The following IL16 variants were observed in gnomAD, a reference collection of about 807,000 sequenced individuals.
IL16 encodes the protein pro-interleukin-16.
In IL16, 67 loss-of-function variants were observed where a neutral mutation model predicts 110.1. The observed-to-expected ratio is 0.61, with a 90% CI of 0.50 to 0.75. The LOEUF is 0.75. Ranked by LOEUF, IL16 falls within the 30% of genes least tolerant of loss-of-function variation. The pLI is 0.00. For missense variants in IL16, 1,545 were observed against 1,655.0 expected, an observed-to-expected ratio of 0.93 and a Z score of 1.15; for synonymous variants, 689 against 662.9, an observed-to-expected ratio of 1.04 and a Z score of -0.61.
At chr15:81,248,514 T>C (rs1897646138) in intron 2 of IL16, among the ~76,000 whole-genome samples, 1 of 149,594 alleles carries the variant, frequency 6.7e-6, no homozygotes, top group African/African-American at 2.4e-5. Context: ...TATTAAAAAT[T>C]ATCTTTAAAA....
chr15:81,184,064 C>A (rs991011531), intron 1 of IL16, among the ~76,000 whole-genome samples: 1 of 152,158 alleles, frequency 6.6e-6, no homozygotes, highest in Admixed American at 6.5e-5. Context: ...CCCAAAGTAG[C>A]CCTGGCTCTT....
intron 1 of IL16, among the ~76,000 whole-genome samples, chr15:81,204,084 A>G (rs1271183241): frequency 6.6e-6 from 1 of 151,876 alleles, no homozygotes; most frequent in Non-Finnish European, 1.5e-5. Flanking sequence ...CTTTGAAGCA[A>G]TTGTGAATGG....
chr15:81,214,826 T>C (rs1896368371), intron 1 of IL16, among the ~76,000 whole-genome samples: 1 of 152,208 alleles, frequency 6.6e-6, no homozygotes. Context: ...TTTTTCTTAA[T>C]TCTTTTTTCT....
At chr15:81,274,952 A>G (rs910100799) in intron 6 of IL16, among the ~76,000 whole-genome samples, 3 of 151,986 alleles carry the variant, frequency 2.0e-5, no homozygotes, top group African/African-American at 7.2e-5. Context: ...GAAGTGGGCC[A>G]TTGTGAGCCC....
intron 6 of IL16, among the ~76,000 whole-genome samples, chr15:81,274,499 A>AAAAAGAAACCTT (rs1898807227): frequency 1.3e-5 from 2 of 152,192 alleles, no homozygotes; most frequent in Non-Finnish European, 2.9e-5. Flanking sequence ...GCCCAGCTAG[A>AAAAAGAAACCTT]AAAAGAAACC....
rs1210398997 is a variant in IL16, at chr15:81,308,802, G to C, written c.*4G>C. ...CACAGCTGCTGGAGACTCCTAGGCA[G>C]GACATGCTGAAGCCAAAGCCAATAA... is the stretch of plus-strand genomic sequence containing the variant. On this transcript the variant is annotated 3_prime_UTR_variant, in exon 19 of 19. Transcript: ENST00000683961. The C allele has an allele frequency of 1.7e-5, 27 of 1,606,668 alleles. No individual in the cohort carries two copies. The highest frequency in any genetic ancestry group is 6.6e-5 in the South Asian group (6 of 90,292).
At chr15:81,204,215 A>T (rs1247190689) in intron 1 of IL16, among the ~76,000 whole-genome samples, 1 of 152,020 alleles carries the variant, frequency 6.6e-6, no homozygotes, top group African/African-American at 2.4e-5. Flanking sequence ...GCTTAAGGAG[A>T]TTTTGGGCTG....
At chr15:81,284,021 AAAGAG>A (rs563628605) in intron 9 of IL16, among the ~76,000 whole-genome samples, 275 of 146,248 alleles carry the variant, frequency 1.9e-3, no homozygotes, top group African/African-American at 6.0e-3. Flanking sequence ...AAAAAAAAAA[AAAGAG>A]AGAGAGAAGA....
chr15:81,297,271 C>T (rs528504135), intron 13 of IL16, among the ~76,000 whole-genome samples, 193 bp downstream of exon 13: 5 of 152,192 alleles, frequency 3.3e-5, no homozygotes, highest in African/African-American at 4.8e-5. Flanking sequence ...GGTGGGGAGC[C>T]TCCTGGGTGG....
At chr15:81,280,134 G>C (rs573153780) in intron 8 of IL16, among the ~76,000 whole-genome samples, 1 of 152,340 alleles carries the variant, frequency 6.6e-6, no homozygotes, top group African/African-American at 2.4e-5. Context: ...CTGGGCCTCA[G>C]TTTCCCTACC....
chr15:81,182,977 A>G, intron 1 of IL16: 1 of 878,438 alleles, frequency 1.1e-6, no homozygotes, highest in Non-Finnish European at 1.6e-6. Context: ...ACATCCTCCC[A>G]GGGGAATGGA....
chr15:81,243,163 A>ATATATATATATAT (rs1555416963), intron 2 of IL16, among the ~76,000 whole-genome samples: 2 of 15,032 alleles, frequency 1.3e-4, no homozygotes, highest in Non-Finnish European at 1.2e-4. Context: ...ATATATATAT[A>ATATATATATATAT]TTTTTTTTTT....
chr15:81,200,709 G>A (rs1262232232), intron 1 of IL16, among the ~76,000 whole-genome samples: 1 of 152,102 alleles, frequency 6.6e-6, no homozygotes, highest in Non-Finnish European at 1.5e-5. Flanking sequence ...TAGTCCTGTA[G>A]AACACTGGGT....
intron 1 of IL16, among the ~76,000 whole-genome samples, chr15:81,212,130 C>CT (rs143918836): frequency 0.087 from 12,695 of 145,876 alleles, 530 homozygotes; most frequent in Middle Eastern, 0.11. Context: ...TTGTCTAGGG[C>CT]TTTTTTTTTT....
chr15:81,295,378 G>A, intron 12 of IL16: 1 of 1,253,550 alleles, frequency 8.0e-7, no homozygotes, highest in Non-Finnish European at 1.0e-6. Flanking sequence ...TATTGGATGT[G>A]TTGATGAAAA....
In IL16 at chr15:81,299,528, C is replaced by T; in HGVS notation, c.2202C>T (p.Gly734=). 3 of 1,614,142 alleles carry T rather than the reference C, an allele frequency of 1.9e-6. No homozygotes were observed. The highest frequency in any genetic ancestry group is 2.5e-6 in the Non-Finnish European group (3 of 1,180,006). The change falls in exon 14 of 19, where the codon GGC becomes GGT. Residue 734 remains glycine, a synonymous_variant. Coordinates refer to ENST00000683961, the MANE Select transcript of IL16 (RefSeq NM_172217.5). ...GCCCCATCATGAGTGAGAACCATGG[C>T]CACATGCCTCTACAGCCCAATGCCA... is the stretch of plus-strand genomic sequence containing the variant. ...LFSPIMSENH[G]HMPLQPNASL... is the part of the protein sequence containing the mutation.
At chr15:81,246,868 T>G (rs563840923) in intron 2 of IL16, among the ~76,000 whole-genome samples, 1 of 152,260 alleles carries the variant, frequency 6.6e-6, no homozygotes, top group African/African-American at 2.4e-5. Flanking sequence ...CTTTAATTTT[T>G]ACAGGCCCCT....
chr15:81,236,190 G>A (rs1362628578), intron 2 of IL16, among the ~76,000 whole-genome samples: 4 of 152,238 alleles, frequency 2.6e-5, no homozygotes, highest in African/African-American at 9.6e-5. Flanking sequence ...AGAAAAGGTG[G>A]TCAAGGCCTT....
chr15:81,211,233 T>G (rs2141991336), intron 1 of IL16, among the ~76,000 whole-genome samples: 1 of 151,742 alleles, frequency 6.6e-6, no homozygotes, highest in Middle Eastern at 3.4e-3. Flanking sequence ...GTTTTTGTAT[T>G]TTGAATTCTT....
Sources: allele counts gnomAD v4.1 joint callset (sites outside exome capture counted in the v4.1 genomes callset), GRCh38; gene constraint gnomAD v4.1.1; transcripts MANE v1.5; gene names NCBI Gene and HGNC (gene_info 2026-07-23, HGNC 2026-07-21).